Variants in CFAP43 observed in about 807,000 individuals in gnomAD.
CFAP43 encodes the protein cilia and flagella associated protein 43.
A neutral mutation model predicts 218.9 loss-of-function variants in CFAP43; 155 were observed. The observed-to-expected ratio is 0.71, with a 90% CI of 0.62 to 0.81. The LOEUF (loss-of-function observed/expected upper bound fraction) is 0.81. Among genes scored for constraint, CFAP43 ranks in the 30% least tolerant of loss-of-function variants. CFAP43 has a pLI of 0.00. For synonymous variants in CFAP43, 645 were observed against 681.3 expected, an observed-to-expected ratio of 0.95 and a Z score of 0.83; for missense variants, 1,778 against 1,954.3, an observed-to-expected ratio of 0.91 and a Z score of 1.70.
chr10:104,187,268 T>TATATAATA (rs1389688492), intron 14 of CFAP43, 52 bp downstream of exon 14: 1 of 1,489,626 alleles, frequency 6.7e-7, no homozygotes, highest in Non-Finnish European at 9.0e-7. Flanking sequence ...CAGTATAATG[T>TATATAATA]ATCAATCTTG....
chr10:104,215,695 G>T (rs772610207), intron 3 of CFAP43, among the ~76,000 whole-genome samples: 2 of 152,014 alleles, frequency 1.3e-5, no homozygotes, highest in Non-Finnish European at 2.9e-5. Flanking sequence ...TCTAAAATGG[G>T]CATTTAAAAT....
intron 13 of CFAP43, among the ~76,000 whole-genome samples, chr10:104,187,922 T>C (rs2090083821): frequency 6.6e-6 from 1 of 152,216 alleles, no homozygotes; most frequent in South Asian, 2.1e-4. Flanking sequence ...AAAACTGTCT[T>C]TATAATTTTG....
At chr10:104,225,627 G>T in intron 2 of CFAP43, 70 bp from the exon 3 acceptor site, 1 of 1,253,404 alleles carries the variant, frequency 8.0e-7, no homozygotes, top group East Asian at 2.7e-5. Flanking sequence ...TGGTCTTACA[G>T]TTTATTTTCC....
chr10:104,203,008 T>C (rs2090578065), intron 8 of CFAP43, among the ~76,000 whole-genome samples: 1 of 152,232 alleles, frequency 6.6e-6, no homozygotes, highest in Admixed American at 6.5e-5. Context: ...GGAATCTTCC[T>C]AGCAGTATAA....
chr10:104,190,577 G>A (rs2090179236), intron 12 of CFAP43, among the ~76,000 whole-genome samples: 6 of 152,096 alleles, frequency 3.9e-5, no homozygotes, highest in Admixed American at 3.9e-4. Context: ...AGCTAAATAT[G>A]CCCAAATGAA....
At chr10:104,176,322 A>G (rs947589589) in intron 19 of CFAP43, among the ~76,000 whole-genome samples, 8 of 152,210 alleles carry the variant, frequency 5.3e-5, no homozygotes, top group Admixed American at 3.9e-4. Context: ...TATATGTCAT[A>G]CCATTCACAA....
chr10:104,142,396 AAAGAAAC>A lies in CFAP43; in HGVS notation c.4159-10_4159-4del. The A allele has an allele frequency of 6.2e-7, 1 of 1,610,828 alleles. No homozygotes were observed. The highest frequency in any genetic ancestry group is 1.3e-5 in the African/African-American group (1 of 74,918). On this transcript the variant is annotated splice_polypyrimidine_tract_variant and splice_region_variant and intron_variant, in intron 32 of 37. Transcript: ENST00000357060. Reference sequence around the variant, plus strand: ...AAGTCAGCTGCTTTCTGCTTTACCTAAAGAAACCAAGCCAGAAACATGTCAGAACATA... The same window carrying A: ...AAGTCAGCTGCTTTCTGCTTTACCTACAAGCCAGAAACATGTCAGAACATA...
At chr10:104,201,503 G>A (rs772095625) in intron 8 of CFAP43, among the ~76,000 whole-genome samples, 1 of 151,764 alleles carries the variant, frequency 6.6e-6, no homozygotes, top group African/African-American at 2.4e-5. Context: ...TACCTTAGAA[G>A]TTGTAACATG....
At chr10:104,146,240 G>A (rs1425413824) in intron 30 of CFAP43, 23 bp downstream of exon 30, 1 of 1,597,204 alleles carries the variant, frequency 6.3e-7, no homozygotes, top group Non-Finnish European at 8.6e-7. Flanking sequence ...GCATTGTTGA[G>A]TGGGTAAGAC....
chr10:104,221,589 G>A (rs1384207695), intron 3 of CFAP43, among the ~76,000 whole-genome samples: 1 of 152,170 alleles, frequency 6.6e-6, no homozygotes, highest in Non-Finnish European at 1.5e-5. Flanking sequence ...CTTCAGAATT[G>A]TGAGAAACAT....
intron 27 of CFAP43, among the ~76,000 whole-genome samples, chr10:104,157,284 G>A (rs2088599885): frequency 6.6e-6 from 1 of 152,126 alleles, no homozygotes; most frequent in South Asian, 2.1e-4. Flanking sequence ...AGGGCAATGT[G>A]CATTAAGCTG....
intron 34 of CFAP43, 124 bp downstream of exon 34, chr10:104,140,718 T>G: frequency 1.5e-6 from 1 of 662,656 alleles, no homozygotes; most frequent in East Asian, 3.1e-5. Flanking sequence ...GAGGTGAAGG[T>G]GGGAGGATCT....
intron 35 of CFAP43, chr10:104,133,304 C>A (rs2087284180): frequency 4.9e-6 from 1 of 205,288 alleles, no homozygotes; most frequent in Non-Finnish European, 9.6e-6. Context: ...ATGTTGGAAG[C>A]AAAATTAATT....
chr10:104,158,103 G>A (rs2088671606), intron 27 of CFAP43, among the ~76,000 whole-genome samples: 1 of 152,142 alleles, frequency 6.6e-6, no homozygotes, highest in African/African-American at 2.4e-5. Context: ...TGGTAGGGCA[G>A]AGGAAAAGCT....
rs1386290426 is a variant in CFAP43 at position 104,130,179 on chromosome 10, C to G, written c.4958G>C (p.Arg1653Thr). Residue 1653 changes from arginine to threonine, a missense_variant, in exon 38 of 38, where the codon AGA becomes ACA. Coordinates refer to ENST00000357060, the MANE Select transcript of CFAP43 (RefSeq NM_025145.7). ...QISILQTEVERLRMKTFPALV... is the reference protein window; with the variant it reads ...QISILQTEVETLRMKTFPALV... The stretch of plus-strand genomic sequence containing the variant: ...AGCAGGAAATGTTTTCATTCTTAAT[C>G]TTTCAACTTCAGTCTGTAGTATTGA... 6.2e-7 allele frequency: 1 copy of G among 1,606,118 alleles called. No individual in the cohort carries two copies. The highest frequency in any genetic ancestry group is 1.1e-5 in the South Asian group (1 of 88,484).
At chr10:104,168,990 TTGCACTGAGA>T in intron 20 of CFAP43, 142 bp from the exon 21 acceptor site, 1 of 652,554 alleles carries the variant, frequency 1.5e-6, no homozygotes, top group Non-Finnish European at 2.7e-6. Flanking sequence ...TTGAGCCACC[TTGCACTGAGA>T]TGCACTTTCG....
intron 8 of CFAP43, among the ~76,000 whole-genome samples, chr10:104,202,353 A>C (rs2090558075): frequency 6.6e-6 from 1 of 152,170 alleles, no homozygotes; most frequent in South Asian, 2.1e-4. Context: ...TGGTAAGTCT[A>C]AGTGTGGATA....
intron 20 of CFAP43, among the ~76,000 whole-genome samples, chr10:104,171,030 C>G (rs769599597): frequency 6.6e-5 from 10 of 152,224 alleles, no homozygotes; most frequent in Non-Finnish European, 1.5e-4. Context: ...AGCCAGATCT[C>G]TCTCTCCCTT....
At chr10:104,213,599 G>A (rs1310753156) in intron 4 of CFAP43, among the ~76,000 whole-genome samples, 2 of 151,794 alleles carry the variant, frequency 1.3e-5, no homozygotes, top group South Asian at 2.1e-4. Context: ...GTAGTGGCAC[G>A]ATCTCGGCTC....
Sources: allele counts gnomAD v4.1 joint callset (sites outside exome capture counted in the v4.1 genomes callset), GRCh38; gene constraint gnomAD v4.1.1; transcripts MANE v1.5; gene names NCBI Gene and HGNC (gene_info 2026-07-23, HGNC 2026-07-21).